Variants in COL5A2 observed in about 807,000 individuals in gnomAD.
COL5A2 encodes collagen type V alpha 2 chain.
In COL5A2, 23 loss-of-function variants were observed where a neutral mutation model predicts 208.2. The ratio of observed to expected loss-of-function variants is 0.11; its 90% CI spans 0.08 to 0.16. The LOEUF is 0.16. Among genes scored for constraint, COL5A2 ranks in the 10% least tolerant of loss-of-function variants. The probability of loss-of-function intolerance (pLI) is 1.00; values close to 1 mark genes in which losing one functional copy is unlikely to be tolerated. For synonymous variants in COL5A2, 625 were observed against 628.5 expected (o/e 0.99, Z 0.08); for missense variants, 1,590 against 1,956.4 (o/e 0.81, Z 3.53).
chr2:189,260,090 T>C, the COL5A2 span, among the ~76,000 whole-genome samples: 1 of 152,220 alleles, frequency 6.6e-6, no homozygotes, highest in African/African-American at 2.4e-5. Context: ...TCCTAAATCC[T>C]TTAGTATACA....
At chr2:189,139,813 G>A (rs764218582) in intron 1 of COL5A2, among the ~76,000 whole-genome samples, 10 of 151,772 alleles carry the variant, frequency 6.6e-5, no homozygotes, top group Admixed American at 6.6e-4. Flanking sequence ...AGTGGCTCAC[G>A]CCTGTAACCC....
intron 1 of COL5A2, among the ~76,000 whole-genome samples, chr2:189,197,468 A>T (rs542982257): frequency 4.1e-4 from 62 of 152,248 alleles, no homozygotes; most frequent in African/African-American, 1.5e-3. Flanking sequence ...TAATTAATTA[A>T]TTAAAAAATT....
At chr2:189,039,011 A>G (rs1312050607) in intron 51 of COL5A2, among the ~76,000 whole-genome samples, 1 of 152,104 alleles carries the variant, frequency 6.6e-6, no homozygotes, top group Non-Finnish European at 1.5e-5. Context: ...TTTTAATGAC[A>G]GCCATACTGA....
At chr2:189,054,719 G>A (rs1171764786) in intron 35 of COL5A2, among the ~76,000 whole-genome samples, 3 of 142,744 alleles carry the variant, frequency 2.1e-5, no homozygotes, top group Non-Finnish European at 4.5e-5. Context: ...TTTGGCACAG[G>A]GTCTCCACTC....
At chr2:189,119,754 C>G (rs1464868210) in intron 1 of COL5A2, among the ~76,000 whole-genome samples, 3 of 151,972 alleles carry the variant, frequency 2.0e-5, no homozygotes, top group Admixed American at 2.0e-4. Context: ...TTATTTCTTG[C>G]TAATACAGTC....
chr2:189,242,590 A>G, the COL5A2 span, among the ~76,000 whole-genome samples: 1 of 152,138 alleles, frequency 6.6e-6, no homozygotes, highest in Non-Finnish European at 1.5e-5. Flanking sequence ...TTCATGGTCT[A>G]ACTCAAGTTT....
At chr2:189,061,536 A>T in intron 30 of COL5A2, 26 bp downstream of exon 30, 1 of 1,569,170 alleles carries the variant, frequency 6.4e-7, no homozygotes, top group Non-Finnish European at 8.8e-7. Context: ...ATGGAAGATG[A>T]AATGGAAAAC....
At chr2:189,299,908 C>A in the COL5A2 span, among the ~76,000 whole-genome samples, 1 of 152,100 alleles carries the variant, frequency 6.6e-6, no homozygotes, top group Non-Finnish European at 1.5e-5. Context: ...AAGAACTAAC[C>A]TATTGTGCAA....
Position 189,118,132 on chromosome 2 carries a change from G to A in COL5A2, c.98-7683C>T, listed in dbSNP as rs909044147. ...GCTATTACCTGATTTTTAGAGAAGC[G>A]CCATTTTAGCTGCTTATTTAAATGT... On this transcript the variant is annotated intron_variant, in intron 1 of 53. Coordinates refer to ENST00000374866, the MANE Select transcript of COL5A2 (RefSeq NM_000393.5). Among the ~76,000 whole-genome samples, 7 of 151,938 alleles carry A rather than the reference G, an allele frequency of 4.6e-5. No individual in the cohort carries two copies. The South Asian group carries it at 1.0e-3, about 23-fold the overall frequency.
chr2:189,228,607 A>T (rs140669018), upstream of COL5A2, among the ~76,000 whole-genome samples: 12 of 151,986 alleles, frequency 7.9e-5, no homozygotes, highest in East Asian at 1.7e-3. Context: ...TCAGAACTGG[A>T]TCATAAAGAA....
At chr2:189,233,381 CAT>C in the COL5A2 span, among the ~76,000 whole-genome samples, 12 of 151,786 alleles carry the variant, frequency 7.9e-5, no homozygotes, top group Admixed American at 5.3e-4. Flanking sequence ...AAAAATAAGA[CAT>C]TAACATTTCT....
Position 189,064,906 on chromosome 2 carries a change from C to T in COL5A2, c.1617+98G>A, listed in dbSNP as rs1036370499. ...ATTTGTATCCATCTCCTTTCTGGAT[C>T]TGAGCCCATGCAGGCCATAGCTAGA... On this transcript the variant is annotated intron_variant, in intron 24 of 53. Transcript: ENST00000374866. 4.5e-5 allele frequency: 52 copies of T among 1,164,774 alleles called. No individual in the cohort carries two copies. The Middle Eastern group carries it at 7.5e-4, about 17-fold the overall frequency. 72.2% of individuals were successfully genotyped at this position (1,164,774 alleles called of 1,614,324 possible).
At chr2:189,159,262 T>C (rs572876137) in intron 1 of COL5A2, among the ~76,000 whole-genome samples, 1 of 152,354 alleles carries the variant, frequency 6.6e-6, no homozygotes, top group African/African-American at 2.4e-5. Flanking sequence ...TTGTTAGTTA[T>C]ATACCCATTG....
intron 1 of COL5A2, among the ~76,000 whole-genome samples, chr2:189,165,228 G>A (rs1395945313): frequency 6.6e-6 from 1 of 152,136 alleles, no homozygotes; most frequent in African/African-American, 2.4e-5. Context: ...GGTTTTGCTG[G>A]TTTGCTTTTC....
intron 46 of COL5A2, among the ~76,000 whole-genome samples, chr2:189,045,589 A>G (rs1439036563): frequency 6.6e-6 from 1 of 152,256 alleles, no homozygotes; most frequent in Non-Finnish European, 1.5e-5. Flanking sequence ...TGGAAGTCAA[A>G]GCATCAGTAT....
chr2:189,052,148 A>T, intron 41 of COL5A2, 24 bp downstream of exon 41: 1 of 1,605,576 alleles, frequency 6.2e-7, no homozygotes, highest in Non-Finnish European at 8.5e-7. Context: ...ATTATCAGTG[A>T]CTTGTCTCAC....
At chr2:189,290,805 A>G in the COL5A2 span, among the ~76,000 whole-genome samples, 1 of 151,656 alleles carries the variant, frequency 6.6e-6, no homozygotes, top group East Asian at 1.9e-4. Context: ...AGAAGGAGGT[A>G]TGTTAGACAT....
rs1386098586 is a variant in COL5A2, at chr2:189,057,321, C to T, written c.2336G>A (p.Arg779Lys). 3 of 1,079,202 alleles carry T rather than the reference C, an allele frequency of 2.8e-6. No homozygotes were observed. The highest frequency in any genetic ancestry group is 5.4e-5 in the East Asian group (2 of 37,358). The allele number at this position is 1,079,202 out of a possible 1,614,324, so 66.9% of individuals were successfully genotyped here. A position where few individuals can be genotyped will look rare whatever the true frequency, so the allele number is the denominator to read the frequency against. ...AAAAAAAAAAAAAAAAGGACTTACT[C>T]TGTCACCCTTGGGGCCAGGAGTTCC... ...IAGTPGPKGD[R>K]GGIGEKGAEG... Residue 779 changes from arginine to lysine, a missense_variant and splice_region_variant, in exon 34 of 54, where the codon AGA (arginine) becomes AAA (lysine). Physicochemically the swap from Arg to Lys is conservative, Grantham distance 26 (BLOSUM62 2). Coordinates refer to ENST00000374866, the MANE Select transcript of COL5A2 (RefSeq NM_000393.5).
the COL5A2 span, among the ~76,000 whole-genome samples, chr2:189,294,944 T>C: frequency 1.3e-5 from 2 of 152,114 alleles, no homozygotes. Flanking sequence ...GTAGCTGGGC[T>C]ACAGGTACAT....
Sources: gnomAD v4.1 joint callset for allele counts (sites outside exome capture counted in the v4.1 genomes callset) on GRCh38, gnomAD v4.1.1 for gene constraint, MANE v1.5 for transcripts, NCBI Gene and HGNC (gene_info 2026-07-23, HGNC 2026-07-21) for gene names.